Variants in PRRX2 observed in about 807,000 individuals in gnomAD.
The protein encoded by PRRX2 is paired mesoderm homeobox protein 2.
A neutral mutation model predicts 18.0 loss-of-function variants in PRRX2; 11 were observed. The observed-to-expected ratio is 0.61, with a 90% CI of 0.39 to 1.01. PRRX2 has a LOEUF of 1.01. Among genes scored for constraint, PRRX2 ranks in the 50% least tolerant of loss-of-function variants. The pLI, the probability that PRRX2 is intolerant of heterozygous loss-of-function variation, is 0.01. For synonymous variants in PRRX2, 177 were observed against 154.8 expected (o/e 1.14, Z -1.06); for missense variants, 387 against 351.0 (o/e 1.10, Z -0.82).
At chr9:129,690,569 C>T (rs1165578675) in intron 1 of PRRX2, among the ~76,000 whole-genome samples, 2 of 148,356 alleles carry the variant, frequency 1.3e-5, no homozygotes, top group Non-Finnish European at 3.0e-5. Flanking sequence ...TGCAGTGGTG[C>T]GATCTCGGCT....
At chr9:129,697,810 G>A (rs2130922515) in intron 1 of PRRX2, among the ~76,000 whole-genome samples, 1 of 152,190 alleles carries the variant, frequency 6.6e-6, no homozygotes, top group East Asian at 1.9e-4. Flanking sequence ...CCCACAAAGG[G>A]CTGGGGACGC....
Position 129,709,637 on chromosome 9 carries a change from T to C in PRRX2, c.260-9594T>C, listed in dbSNP as rs1832597199. On this transcript the variant is annotated intron_variant, in intron 1 of 3. Transcript: ENST00000372469. This position sits in a 1 kb window ranked among gnomAD's most constrained non-coding sequence, Gnocchi z 4.2. ...ACTGCGGCTTCCATCATCACCTTCC[T>C]TCCCGGGATGTGTTTCTCCTTCTCC... is the stretch of plus-strand genomic sequence containing the variant. 6.6e-6 allele frequency among the ~76,000 whole-genome samples: 1 copy of C among 152,186 alleles called. No individual in the cohort carries two copies. Among genetic ancestry groups the C allele is most frequent in the Non-Finnish European group, 1.5e-5 (1 of 68,024 alleles).
chr9:129,666,236 G>C (rs1832020753), intron 1 of PRRX2, 110 bp downstream of exon 1: 1 of 882,064 alleles, frequency 1.1e-6, no homozygotes, highest in African/African-American at 1.8e-5. Context: ...AGGGCGCGTG[G>C]TCGGCGGCAG....
At chr9:129,707,224 C>T (rs1832567910) in intron 1 of PRRX2, among the ~76,000 whole-genome samples, 1 of 152,014 alleles carries the variant, frequency 6.6e-6, no homozygotes, top group South Asian at 2.1e-4. Context: ...CCACTGCACT[C>T]CAGCCTGGGC....
chr9:129,678,251 A>G (rs1832185526), intron 1 of PRRX2, among the ~76,000 whole-genome samples: 2 of 152,166 alleles, frequency 1.3e-5, no homozygotes, highest in Non-Finnish European at 2.9e-5. Context: ...AGCGTGAGCC[A>G]CTGTGCCCAG....
intron 1 of PRRX2, among the ~76,000 whole-genome samples, chr9:129,684,562 G>A (rs1283925730): frequency 6.7e-6 from 1 of 148,810 alleles, no homozygotes; most frequent in Non-Finnish European, 1.5e-5. Flanking sequence ...AGAAATCTCC[G>A]AAAAAGTCTC....
chr9:129,714,344 A>C (rs373908924), intron 1 of PRRX2, among the ~76,000 whole-genome samples: 1 of 150,830 alleles, frequency 6.6e-6, no homozygotes, highest in Non-Finnish European at 1.5e-5. Flanking sequence ...CAGAGGTTGC[A>C]GTGAGCCGAG....
At chr9:129,721,284 T>C (rs1276638566) in intron 3 of PRRX2, among the ~76,000 whole-genome samples, 1 of 152,120 alleles carries the variant, frequency 6.6e-6, no homozygotes, top group Non-Finnish European at 1.5e-5. Flanking sequence ...CTCCCTGGCC[T>C]GCGGGCATGG....
chr9:129,674,931 C>T (rs1010681376), intron 1 of PRRX2, among the ~76,000 whole-genome samples: 3 of 152,152 alleles, frequency 2.0e-5, no homozygotes, highest in Non-Finnish European at 2.9e-5. Context: ...CCTGACCCAC[C>T]GGATCGGACT....
intron 1 of PRRX2, among the ~76,000 whole-genome samples, chr9:129,680,887 TATA>T (rs1197196778): frequency 3.3e-5 from 5 of 152,362 alleles, no homozygotes; most frequent in Middle Eastern, 3.4e-3. Context: ...GGTAACCATA[TATA>T]ATGGCAGATA....
intron 1 of PRRX2, among the ~76,000 whole-genome samples, chr9:129,684,524 C>CCACACACACACACACACACACA (rs796482215): frequency 2.2e-5 from 1 of 45,008 alleles, no homozygotes; most frequent in Non-Finnish European, 5.5e-5. Flanking sequence ...ACACACACAC[C>CCACACACACACACACACACACA]CACACACACC....
At chr9:129,685,639 G>A (rs10119898) in intron 1 of PRRX2, among the ~76,000 whole-genome samples, 2,792 of 152,240 alleles carry the variant, frequency 0.018, 80 homozygotes, top group African/African-American at 0.063. Context: ...CACTGCGCCC[G>A]GCCAGTTTCC....
chr9:129,697,510 C>G (rs1330973672), intron 1 of PRRX2, among the ~76,000 whole-genome samples: 3 of 151,152 alleles, frequency 2.0e-5, no homozygotes, highest in Non-Finnish European at 4.4e-5. Context: ...CGCGGCGCCG[C>G]TCTGGCCGCC....
At chr9:129,685,923 G>A (rs923835479) in intron 1 of PRRX2, among the ~76,000 whole-genome samples, 1 of 152,324 alleles carries the variant, frequency 6.6e-6, no homozygotes, top group Non-Finnish European at 1.5e-5. Flanking sequence ...GCTGGGAGAC[G>A]TGGCCAGACC....
intron 1 of PRRX2, among the ~76,000 whole-genome samples, chr9:129,705,605 T>G (rs1479599647): frequency 6.6e-6 from 1 of 151,650 alleles, no homozygotes; most frequent in East Asian, 2.0e-4. Flanking sequence ...TCTGCCCGCC[T>G]CGGCCTCCCA....
chr9:129,676,461 A>G (rs1832162947), intron 1 of PRRX2, among the ~76,000 whole-genome samples: 2 of 152,294 alleles, frequency 1.3e-5, no homozygotes, highest in South Asian at 4.1e-4. Context: ...AGTATCTGCA[A>G]TCGTGGTTAC....
chr9:129,678,067 G>C lies in PRRX2; in HGVS notation c.259+11941G>C, dbSNP rs373624353. Among the ~76,000 whole-genome samples the C allele has an allele frequency of 4.5e-3, 677 of 150,092 alleles. 5 individuals are homozygous for C. The highest frequency in any genetic ancestry group is 0.015 in the African/African-American group (611 of 40,482). ...CAACCTCCGCCTCCAGGGTTCAGGT[G>C]ATTGTCCTGCCTCAGCCTCTCGAGT... On this transcript the variant is annotated intron_variant, in intron 1 of 3. Coordinates refer to ENST00000372469, the MANE Select transcript of PRRX2 (RefSeq NM_016307.4).
chr9:129,686,252 G>A (rs1047143945), intron 1 of PRRX2, among the ~76,000 whole-genome samples: 1 of 152,214 alleles, frequency 6.6e-6, no homozygotes, highest in Non-Finnish European at 1.5e-5. Context: ...TCAAGACAAG[G>A]GTGAGGGGAG....
At chr9:129,710,559 C>T (rs1832606405) in intron 1 of PRRX2, among the ~76,000 whole-genome samples, 1 of 152,140 alleles carries the variant, frequency 6.6e-6, no homozygotes, top group Non-Finnish European at 1.5e-5. Context: ...TGGTGAAACC[C>T]CGTCTCTACT....
Sources: gnomAD v4.1 joint callset for allele counts (sites outside exome capture counted in the v4.1 genomes callset) on GRCh38, gnomAD v4.1.1 for gene constraint, Gnocchi (gnomAD v3.1) non-coding constraint, MANE v1.5 for transcripts, NCBI Gene and HGNC (gene_info 2026-07-23, HGNC 2026-07-21) for gene names.